DGKB: variants seen among roughly 807,000 people sequenced by gnomAD.
The protein encoded by DGKB is diacylglycerol kinase beta.
A neutral mutation model predicts 114.3 loss-of-function variants in DGKB; 67 were observed. That is an observed-to-expected ratio of 0.59 (90% CI 0.48 to 0.72). The LOEUF (loss-of-function observed/expected upper bound fraction) is 0.72. Ranked by LOEUF, DGKB falls within the 30% of genes least tolerant of loss-of-function variation. The probability of loss-of-function intolerance (pLI) is 0.00; values close to 1 mark genes in which losing one functional copy is unlikely to be tolerated. For missense variants in DGKB, 907 were observed against 975.2 expected, an observed-to-expected ratio of 0.93 and a Z score of 0.93; for synonymous variants, 398 against 323.1, an observed-to-expected ratio of 1.23 and a Z score of -2.49.
At chr7:14,568,699 C>G (rs1043623524) in intron 20 of DGKB, among the ~76,000 whole-genome samples, 3 of 152,148 alleles carry the variant, frequency 2.0e-5, no homozygotes, top group Non-Finnish European at 4.4e-5. Flanking sequence ...TCAACCCATT[C>G]TGAATAATAC....
chr7:14,583,186 A>G (rs376162718), intron 17 of DGKB, 49 bp from the exon 18 acceptor site: 32 of 1,183,682 alleles, frequency 2.7e-5, no homozygotes, highest in Non-Finnish European at 3.6e-5. Flanking sequence ...TAAAAATAAG[A>G]TGTTTTCAGT....
chr7:14,493,657 T>G (rs768338931), intron 20 of DGKB, among the ~76,000 whole-genome samples: 12 of 151,986 alleles, frequency 7.9e-5, no homozygotes, highest in Non-Finnish European at 1.3e-4. Flanking sequence ...ATTCAAGACC[T>G]GGGTGGGGAG....
rs144508938 is a variant in DGKB at position 14,912,250 on chromosome 7, C to T, written c.-188+62446G>A. 2.7e-3 allele frequency among the ~76,000 whole-genome samples: 408 copies of T among 152,220 alleles called. 2 individuals carry two copies. Among genetic ancestry groups the T allele is most frequent in the African/African-American group, 9.5e-3 (393 of 41,530 alleles). ...CTCATATGTTTCATATCTAGATCTC[C>T]AAATAGGCCTATTTCCTAATGTTTC... On this transcript the variant is annotated intron_variant, in intron 1 of 4. Transcript: ENST00000437998.
In DGKB at chr7:14,338,221, G is replaced by T. The variant is rs143947265; in HGVS notation, c.2122+294C>A. On this transcript the variant is annotated intron_variant, in intron 23 of 25. Coordinates refer to ENST00000402815, the MANE Select transcript of DGKB (RefSeq NM_001350709.2). ...TATTTAAGACAATCACGTTTCAGAA[G>T]AGCTTAATATACAATATCTTCTATT... is the stretch of plus-strand genomic sequence containing the variant. 4.4e-3 allele frequency among the ~76,000 whole-genome samples: 670 copies of T among 152,122 alleles called. 5 individuals carry two copies. The highest frequency in any genetic ancestry group is 0.015 in the African/African-American group (627 of 41,520).
At chr7:14,537,457 AAT>A (rs1190578024) in intron 20 of DGKB, among the ~76,000 whole-genome samples, 28 of 152,274 alleles carry the variant, frequency 1.8e-4, no homozygotes, top group African/African-American at 6.0e-4. Context: ...AATGGAACAC[AAT>A]AGAGAGCCCA....
chr7:14,199,932 C>G (rs1785582817), intron 23 of DGKB, among the ~76,000 whole-genome samples: 1 of 151,822 alleles, frequency 6.6e-6, no homozygotes, highest in African/African-American at 2.4e-5. Context: ...CAAACAAAAA[C>G]AAAATCTAGC....
intron 2 of DGKB, among the ~76,000 whole-genome samples, chr7:14,831,827 G>A (rs540698091): frequency 6.6e-6 from 1 of 152,012 alleles, no homozygotes; most frequent in South Asian, 2.1e-4. Context: ...TGCTCCTAAC[G>A]GATTTGAAGA....
intron 8 of DGKB, among the ~76,000 whole-genome samples, chr7:14,696,217 G>C (rs1341458612): frequency 6.6e-6 from 1 of 152,078 alleles, no homozygotes; most frequent in African/African-American, 2.4e-5. Context: ...ATGGAGGCCG[G>C]GCGCGGTGGC....
At chr7:14,504,561 C>A (rs10226821) in intron 20 of DGKB, among the ~76,000 whole-genome samples, 3 of 152,074 alleles carry the variant, frequency 2.0e-5, no homozygotes, top group Admixed American at 6.5e-5. Flanking sequence ...GCTTGAGATG[C>A]ATGATTACTA....
intron 15 of DGKB, among the ~76,000 whole-genome samples, chr7:14,618,071 G>A (rs1174809577): frequency 6.6e-6 from 1 of 151,186 alleles, no homozygotes; most frequent in Admixed American, 6.6e-5. Context: ...GAAGTGCTAA[G>A]TATGAAACAG....
At chr7:14,783,586 C>G (rs1233347320) in intron 2 of DGKB, among the ~76,000 whole-genome samples, 1 of 152,184 alleles carries the variant, frequency 6.6e-6, no homozygotes, top group East Asian at 1.9e-4. Context: ...ATGGTCATTT[C>G]TATCTCAATA....
In DGKB at chr7:14,192,226, C is replaced by T. The variant is rs182624506; in HGVS notation, c.2123-14075G>A. 1.9e-5 allele frequency: 4 copies of T among 208,254 alleles called. No homozygotes were observed. The East Asian group carries it at 4.1e-4, about 21-fold the overall frequency. The allele number at this position is 208,254 out of a possible 1,614,324, so 12.9% of individuals were successfully genotyped here. A position where few individuals can be genotyped will look rare whatever the true frequency, so the allele number is the denominator to read the frequency against. On this transcript the variant is annotated intron_variant, in intron 23 of 25. Transcript: ENST00000402815. The stretch of plus-strand genomic sequence containing the variant: ...TACATAAAGAAAACTCTAAAGACTC[C>T]ACCAAAAACTAGTCAAACTGAAAAA...
intron 25 of DGKB, 60 bp downstream of exon 25, chr7:14,176,779 T>G: frequency 3.8e-6 from 6 of 1,565,964 alleles, no homozygotes; most frequent in Non-Finnish European, 5.2e-6. Context: ...TTGTGGTTAT[T>G]TAGTCAAAGA....
intron 21 of DGKB, among the ~76,000 whole-genome samples, chr7:14,378,634 T>C (rs903799951): frequency 2.6e-5 from 4 of 152,132 alleles, no homozygotes; most frequent in Non-Finnish European, 4.4e-5. Context: ...CCTAGCTACA[T>C]TGATAATTAA....
chr7:14,803,804 GTTAC>G (rs1490734372), intron 2 of DGKB, among the ~76,000 whole-genome samples: 4 of 151,936 alleles, frequency 2.6e-5, no homozygotes, highest in Non-Finnish European at 5.9e-5. Flanking sequence ...CATTTTTCAA[GTTAC>G]TTACCCTTAT....
At chr7:14,684,545 G>A (rs1228741199) in intron 10 of DGKB, among the ~76,000 whole-genome samples, 1 of 152,040 alleles carries the variant, frequency 6.6e-6, no homozygotes, top group East Asian at 1.9e-4. Context: ...AATTACTTAG[G>A]TGATTTTATA....
At chr7:14,771,138 T>C (rs1461221301) in intron 2 of DGKB, among the ~76,000 whole-genome samples, 2 of 152,100 alleles carry the variant, frequency 1.3e-5, no homozygotes, top group African/African-American at 2.4e-5. Context: ...CTGGTTAAAG[T>C]AAATTTACTG....
At chr7:14,437,529 T>G in intron 21 of DGKB, among the ~76,000 whole-genome samples, 1 of 151,934 alleles carries the variant, frequency 6.6e-6, no homozygotes, top group Admixed American at 6.6e-5. Context: ...AATTAAAAAT[T>G]ATTTACTTAC....
chr7:14,602,759 C>G (rs944089021), intron 17 of DGKB, among the ~76,000 whole-genome samples: 1 of 152,146 alleles, frequency 6.6e-6, no homozygotes, highest in Non-Finnish European at 1.5e-5. Flanking sequence ...ATTAGCCAGT[C>G]TAAGGGATTT....
Sources: allele counts gnomAD v4.1 joint callset (sites outside exome capture counted in the v4.1 genomes callset), GRCh38; gene constraint gnomAD v4.1.1; transcripts MANE v1.5; gene names NCBI Gene and HGNC (gene_info 2026-07-23, HGNC 2026-07-21).